The following RFPL4AL1 variants were observed in gnomAD, a reference collection of about 807,000 sequenced individuals.
The protein encoded by RFPL4AL1 is ret finger protein like 4A like 1, also known as ret finger protein-like 4A-like protein 1.
A neutral mutation model predicts 8.2 loss-of-function variants in RFPL4AL1; 2 were observed. The observed-to-expected ratio is 0.24, with a 90% confidence interval of 0.10 to 0.77. The LOEUF (loss-of-function observed/expected upper bound fraction) is 0.77, where lower values mean the gene tolerates loss of function less well. Ranked by LOEUF, RFPL4AL1 falls within the 30% of genes least tolerant of loss-of-function variation. RFPL4AL1 has a pLI of 0.72. For synonymous variants in RFPL4AL1, 25 were observed against 131.8 expected, an observed-to-expected ratio of 0.19 and a Z score of 5.55; for missense variants, 57 against 350.3, an observed-to-expected ratio of 0.16 and a Z score of 6.68.
At chr19:55,771,086 G>GGT (rs1555799526) in intron 1 of RFPL4AL1, among the ~76,000 whole-genome samples, 18,395 of 130,240 alleles carry the variant, frequency 0.14, 285 homozygotes, top group South Asian at 0.23. Context: ...TCTGTTTTTT[G>GGT]TTTTTTTTTT....
At chr19:55,769,573 C>A (rs1989451335) in intron 1 of RFPL4AL1, among the ~76,000 whole-genome samples, 1 of 151,606 alleles carries the variant, frequency 6.6e-6, no homozygotes, top group Non-Finnish European at 1.5e-5. Flanking sequence ...TTTTTTGTTC[C>A]TTTTAATTCA....
chr19:55,769,519 C>A (rs1989450170), intron 1 of RFPL4AL1, among the ~76,000 whole-genome samples: 1 of 151,508 alleles, frequency 6.6e-6, no homozygotes, highest in Admixed American at 6.6e-5. Context: ...CAACCCCTGG[C>A]AACCATCATT....
chr19:55,771,086 G>GTTTT (rs74183507), intron 1 of RFPL4AL1, among the ~76,000 whole-genome samples: 3 of 130,380 alleles, frequency 2.3e-5, no homozygotes, highest in South Asian at 2.3e-4. Flanking sequence ...TCTGTTTTTT[G>GTTTT]TTTTTTTTTT....
intron 1 of RFPL4AL1, among the ~76,000 whole-genome samples, chr19:55,771,079 G>GTTTTTT (rs1243816491): frequency 1.1e-3 from 101 of 89,282 alleles, no homozygotes; most frequent in Non-Finnish European, 1.4e-3. Context: ...TTTTAGTTCT[G>GTTTTTT]TTTTTTGTTT....
intron 1 of RFPL4AL1, among the ~76,000 whole-genome samples, chr19:55,769,551 TTTTTTGTTCAG>T (rs1789090311): frequency 6.6e-6 from 1 of 151,714 alleles, no homozygotes; most frequent in East Asian, 1.9e-4. Flanking sequence ...TTCTGATTTT[TTTTTTGTTCAG>T]TTTTTTGTTC....
At chr19:55,771,103 T>TTTTTTTTTG (rs1989488420) in intron 1 of RFPL4AL1, among the ~76,000 whole-genome samples, 1 of 133,920 alleles carries the variant, frequency 7.5e-6, no homozygotes, top group Non-Finnish European at 1.7e-5. Flanking sequence ...TTTTTTTTTT[T>TTTTTTTTTG]TTCCGCTATG....
chr19:55,769,164 C>G lies in RFPL4AL1; in HGVS notation c.-21C>G, dbSNP rs1402832122. 6.5e-6 allele frequency: 1 copy of G among 153,360 alleles called. No homozygotes were observed. The highest frequency in any genetic ancestry group is 2.4e-5 in the African/African-American group (1 of 41,420). The allele number at this position is 153,360 out of a possible 1,614,324, so 9.5% of individuals were successfully genotyped here. ...GCAGCTGGAGGCCAGGGGAGAAACT[C>G]CAGAAGGAGAGGTGAGTTCAATCTT... is the stretch of plus-strand genomic sequence containing the variant. On this transcript the variant is annotated 5_prime_UTR_variant, in exon 1 of 3. Coordinates refer to ENST00000341750, the MANE Select transcript of RFPL4AL1 (RefSeq NM_001277397.2).
chr19:55,769,153 G>C lies in RFPL4AL1; in HGVS notation c.-32G>C, dbSNP rs1989441849. ...TGTCCGCAGAAGCAGCTGGAGGCCAGGGGAGAAACTCCAGAAGGAGAGGTG... is the reference window on the plus strand; with the variant it reads ...TGTCCGCAGAAGCAGCTGGAGGCCACGGGAGAAACTCCAGAAGGAGAGGTG... On this transcript the variant is annotated 5_prime_UTR_variant, in exon 1 of 3. Coordinates refer to ENST00000341750, the MANE Select transcript of RFPL4AL1 (RefSeq NM_001277397.2). 1.3e-5 allele frequency: 2 copies of C among 153,710 alleles called. No homozygotes were observed. The highest frequency in any genetic ancestry group is 4.1e-4 in the South Asian group (2 of 4,900). The allele number at this position is 153,710 out of a possible 1,614,324, so 9.5% of individuals were successfully genotyped here.
intron 1 of RFPL4AL1, among the ~76,000 whole-genome samples, chr19:55,770,207 C>G (rs118118252): frequency 0.017 from 2,506 of 150,562 alleles, 35 homozygotes; most frequent in East Asian, 0.12. Context: ...CAACACTTAT[C>G]TTTTGTCTTT....
chr19:55,770,596 A>G (rs1191135896), intron 1 of RFPL4AL1, among the ~76,000 whole-genome samples: 4 of 151,924 alleles, frequency 2.6e-5, no homozygotes, highest in Admixed American at 1.3e-4. Context: ...ACATATGGGC[A>G]TGCTGGGGTC....
intron 1 of RFPL4AL1, among the ~76,000 whole-genome samples, chr19:55,770,106 C>T (rs1309248472): frequency 6.6e-6 from 1 of 151,932 alleles, no homozygotes; most frequent in Non-Finnish European, 1.5e-5. Flanking sequence ...TTCATGTTTT[C>T]AGAAACCTCC....
At chr19:55,770,309 A>C (rs79935294) in intron 1 of RFPL4AL1, among the ~76,000 whole-genome samples, 6,606 of 150,198 alleles carry the variant, frequency 0.044, 52 homozygotes, top group East Asian at 0.09. Flanking sequence ...GCCAGAGAGA[A>C]CCCAGTCCCA....
intron 1 of RFPL4AL1, 78 bp from the exon 2 acceptor site, chr19:55,771,718 G>C: frequency 1.3e-6 from 2 of 1,525,234 alleles, no homozygotes; most frequent in Admixed American, 2.1e-5. Flanking sequence ...TGCATGTAAA[G>C]ATAAAAGCCC....
intron 1 of RFPL4AL1, among the ~76,000 whole-genome samples, chr19:55,769,795 T>G (rs1989455779): frequency 6.6e-6 from 1 of 151,676 alleles, no homozygotes; most frequent in South Asian, 2.1e-4. Flanking sequence ...TCCACATAAC[T>G]GAGATCATAC....
In RFPL4AL1 at chr19:55,772,833, A is replaced by T. The variant is rs1243233287; in HGVS notation, c.518A>T (p.Asn173Ile). ...GTGGGCGTGTGCAAGGAATCTGTCAACCGACAGGGGAAGATTGAGCTTTCT... is the reference window on the plus strand; with the variant it reads ...GTGGGCGTGTGCAAGGAATCTGTCATCCGACAGGGGAAGATTGAGCTTTCT... ...WDVGVCKESV[N>I]RQGKIELSSE... The change falls in exon 3 of 3, where the codon AAC (asparagine) becomes ATC (isoleucine). Residue 173 changes from asparagine to isoleucine, a missense_variant. Physicochemically the swap from Asn to Ile is moderately radical, Grantham distance 149 (BLOSUM62 -3). Transcript: ENST00000341750. 1.9e-6 allele frequency: 3 copies of T among 1,550,282 alleles called. No individual in the cohort carries two copies. Among genetic ancestry groups the T allele is most frequent in the Non-Finnish European group, 2.6e-6 (3 of 1,146,296 alleles).
intron 1 of RFPL4AL1, among the ~76,000 whole-genome samples, chr19:55,771,359 T>C (rs1160963342): frequency 6.6e-6 from 1 of 152,174 alleles, no homozygotes; most frequent in African/African-American, 2.4e-5. Context: ...AATATAATCA[T>C]TTAAGATGTG....
In RFPL4AL1 at chr19:55,772,728, T is replaced by C; in HGVS notation, c.413T>C (p.Leu138Pro). ...KEQAERFDTA[L>P]CVLGTPRFTS... ...CAAGCTGAGAGGTTCGACACTGCCCTGTGCGTCCTGGGCACCCCTCGCTTC... is the reference window on the plus strand; with the variant it reads ...CAAGCTGAGAGGTTCGACACTGCCCCGTGCGTCCTGGGCACCCCTCGCTTC... Residue 138 changes from leucine to proline, a missense_variant, in exon 3 of 3, where the codon CTG becomes CCG. Coordinates refer to ENST00000341750, the MANE Select transcript of RFPL4AL1 (RefSeq NM_001277397.2). 1 of 1,537,670 alleles carries C rather than the reference T, an allele frequency of 6.5e-7. No homozygotes were observed. Among genetic ancestry groups the C allele is most frequent in the Non-Finnish European group, 8.8e-7 (1 of 1,139,420 alleles).
chr19:55,770,346 C>T (rs552896443), intron 1 of RFPL4AL1, among the ~76,000 whole-genome samples: 3 of 151,890 alleles, frequency 2.0e-5, no homozygotes, highest in South Asian at 2.1e-4. Flanking sequence ...TGGATGCTGT[C>T]GGGAGAACGA....
chr19:55,771,625 C>T (rs1393272435), intron 1 of RFPL4AL1, among the ~76,000 whole-genome samples, 171 bp from the exon 2 acceptor site: 2 of 138,298 alleles, frequency 1.4e-5, no homozygotes, highest in Non-Finnish European at 3.3e-5. Flanking sequence ...AAGTTCAGGG[C>T]CTCGAGTCAT....
Sources: gnomAD v4.1 joint callset for allele counts (sites outside exome capture counted in the v4.1 genomes callset) on GRCh38, gnomAD v4.1.1 for gene constraint, MANE v1.5 for transcripts, NCBI Gene and HGNC (gene_info 2026-07-23, HGNC 2026-07-21) for gene names.